CELF2: variants seen among roughly 807,000 people sequenced by gnomAD.
CELF2 encodes the protein CUGBP Elav-like family member 2, also known as CUG triplet repeat RNA-binding protein 2.
A neutral mutation model predicts 62.6 loss-of-function variants in CELF2; 8 were observed. The ratio of observed to expected loss-of-function variants is 0.13; its 90% CI spans 0.07 to 0.23. The LOEUF is 0.23. CELF2 is among the 10% of genes least tolerant of loss of function. The probability of loss-of-function intolerance (pLI) is 1.00; values close to 1 mark genes in which losing one functional copy is unlikely to be tolerated. For missense variants in CELF2, 333 were observed against 671.0 expected, an observed-to-expected ratio of 0.50 and a Z score of 5.56; for synonymous variants, 258 against 250.0, an observed-to-expected ratio of 1.03 and a Z score of -0.30.
At position 11,098,060 on chromosome 10, in the gene CELF2, C is replaced by G. The variant is rs1349632118; in HGVS notation, c.75-67426C>G. ...CCTCATCACTGAACCAGGGCTGTCC[C>G]TGGGTACTCACCAGAAAAGCAAATT... is the stretch of plus-strand genomic sequence containing the variant. On this transcript the variant is annotated intron_variant, in intron 1 of 12. Coordinates refer to ENST00000633077, the MANE Select transcript of CELF2 (RefSeq NM_001326342.2). This position sits in a 1 kb window ranked among gnomAD's most constrained non-coding sequence, Gnocchi z 4.0. The G allele has an allele frequency of 6.6e-6, 1 of 152,408 alleles. No individual in the cohort carries two copies. The highest frequency in any genetic ancestry group is 1.5e-5 in the Non-Finnish European group (1 of 68,160). The allele number at this position is 152,408 out of a possible 1,614,324, so 9.4% of individuals were successfully genotyped here.
chr10:10,889,565 A>G (rs759338586), intron 1 of CELF2, among the ~76,000 whole-genome samples: 1 of 152,228 alleles, frequency 6.6e-6, no homozygotes, highest in Non-Finnish European at 1.5e-5. Context: ...TTCAGGTGCT[A>G]TGTCTTCTCT....
chr10:10,776,479 A>C, the CELF2 span: 2 of 154,148 alleles, frequency 1.3e-5, no homozygotes, highest in Non-Finnish European at 2.9e-5. Flanking sequence ...CCTTTCAAGC[A>C]TGGAAAAATT....
intron 1 of CELF2, among the ~76,000 whole-genome samples, chr10:11,025,239 G>GTGTGTGTATATATATATATA (rs61580670): frequency 1.4e-3 from 197 of 141,074 alleles, no homozygotes; most frequent in Middle Eastern, 7.1e-3. Context: ...GTGTGTGTGT[G>GTGTGTGTATATATATATATA]TATATGTATG....
At chr10:10,606,300 G>C in the CELF2 span, among the ~76,000 whole-genome samples, 3 of 152,194 alleles carry the variant, frequency 2.0e-5, no homozygotes, top group African/African-American at 7.2e-5. Context: ...ACCTTAGAAG[G>C]ATTTAGGCTG....
At chr10:10,513,951 CT>C in the CELF2 span, among the ~76,000 whole-genome samples, 1 of 152,132 alleles carries the variant, frequency 6.6e-6, no homozygotes, top group Non-Finnish European at 1.5e-5. Flanking sequence ...CGATCCCTCT[CT>C]GAGCAAAGCC....
At chr10:11,288,025 G>T (rs975696661) in intron 8 of CELF2, among the ~76,000 whole-genome samples, 3 of 152,216 alleles carry the variant, frequency 2.0e-5, no homozygotes, top group Non-Finnish European at 4.4e-5. Context: ...TGTCATAGAA[G>T]CTGCCAGTCC....
chr10:11,154,133 A>G (rs2063847477), intron 1 of CELF2, among the ~76,000 whole-genome samples: 1 of 152,258 alleles, frequency 6.6e-6, no homozygotes, highest in African/African-American at 2.4e-5. Context: ...AATGATATTC[A>G]GCTTCTTAGT....
intron 1 of CELF2, among the ~76,000 whole-genome samples, chr10:11,072,008 G>A (rs919442643): frequency 4.6e-5 from 7 of 152,304 alleles, no homozygotes; most frequent in South Asian, 2.1e-4. Context: ...TGACGACACC[G>A]TGAGTTTGGA....
intron 1 of CELF2, among the ~76,000 whole-genome samples, chr10:11,062,286 A>G (rs188735310): frequency 4.3e-4 from 65 of 152,364 alleles, no homozygotes; most frequent in Admixed American, 4.0e-3. Flanking sequence ...TCTGCAGCCC[A>G]TGGAGAGGAA....
At chr10:10,858,107 T>C (rs767438851) in intron 1 of CELF2, among the ~76,000 whole-genome samples, 6 of 152,122 alleles carry the variant, frequency 3.9e-5, no homozygotes, top group Non-Finnish European at 5.9e-5. Context: ...TTAAACGTGA[T>C]TTAGAGTCCC....
In CELF2 at chr10:11,336,226, C is replaced by T. The variant is rs1258783270; in HGVS notation, c.*7173C>T. 6.5e-6 allele frequency: 1 copy of T among 152,680 alleles called. No individual in the cohort carries two copies. Among genetic ancestry groups the T allele is most frequent in the Non-Finnish European group, 1.5e-5 (1 of 68,038 alleles). The allele number at this position is 152,680 out of a possible 1,614,324, so 9.5% of individuals were successfully genotyped here. On this transcript the variant is annotated 3_prime_UTR_variant, in exon 13 of 13. Transcript: ENST00000633077. The surrounding 1 kb of genome is among the most constrained non-coding windows in gnomAD (Gnocchi z 5.4). ...CTGATAAGTGAATAAAACATTGTGACCAAACAATCAGCTTATTCACTTATC... is the reference window on the plus strand; with the variant it reads ...CTGATAAGTGAATAAAACATTGTGATCAAACAATCAGCTTATTCACTTATC...
chr10:10,658,336 C>G, the CELF2 span, among the ~76,000 whole-genome samples: 1 of 152,170 alleles, frequency 6.6e-6, no homozygotes, highest in African/African-American at 2.4e-5. Flanking sequence ...TTCATCATTT[C>G]TGTTCTAACC....
At chr10:10,676,025 T>C in the CELF2 span, among the ~76,000 whole-genome samples, 2 of 152,206 alleles carry the variant, frequency 1.3e-5, no homozygotes, top group African/African-American at 2.4e-5. Context: ...CTTTTCTTGG[T>C]AGCTGGAGAT....
At chr10:10,684,666 C>T in the CELF2 span, among the ~76,000 whole-genome samples, 2 of 152,088 alleles carry the variant, frequency 1.3e-5, no homozygotes, top group African/African-American at 2.4e-5. Context: ...ATCGCCTGAG[C>T]CCAGGAGGTT....
chr10:11,126,299 C>A (rs1256655630), intron 1 of CELF2, among the ~76,000 whole-genome samples: 1 of 152,152 alleles, frequency 6.6e-6, no homozygotes, highest in Non-Finnish European at 1.5e-5. Flanking sequence ...CTTGCCTTTT[C>A]TCTCACATGT....
Position 11,177,754 on chromosome 10 carries a change from A to G in CELF2, c.271+12072A>G, listed in dbSNP as rs554517335. On this transcript the variant is annotated intron_variant, in intron 2 of 12. Coordinates refer to ENST00000633077, the MANE Select transcript of CELF2 (RefSeq NM_001326342.2). The surrounding 1 kb of genome is among the most constrained non-coding windows in gnomAD (Gnocchi z 4.8). Reference sequence around the variant, plus strand: ...TGTCCTTTCTGTTCAGGATTCAACAATTGCTTGTTGATTTGGGGTGAAGAT... The same window carrying G: ...TGTCCTTTCTGTTCAGGATTCAACAGTTGCTTGTTGATTTGGGGTGAAGAT... 1.3e-5 allele frequency among the ~76,000 whole-genome samples: 2 copies of G among 152,314 alleles called. No homozygotes were observed. Among genetic ancestry groups the G allele is most frequent in the South Asian group, 2.1e-4 (1 of 4,824 alleles).
chr10:10,536,680 G>C, the CELF2 span, among the ~76,000 whole-genome samples: 2 of 152,216 alleles, frequency 1.3e-5, no homozygotes, highest in Non-Finnish European at 2.9e-5. Context: ...TCTGTGAAAA[G>C]AGTTTGATGA....
chr10:10,567,068 G>A, the CELF2 span, among the ~76,000 whole-genome samples: 16 of 152,166 alleles, frequency 1.1e-4, no homozygotes, highest in Non-Finnish European at 1.6e-4. Flanking sequence ...GAAAAGGACA[G>A]TGTTCATTTA....
At chr10:11,089,387 C>T (rs958597028) in intron 1 of CELF2, among the ~76,000 whole-genome samples, 22 of 152,156 alleles carry the variant, frequency 1.4e-4, no homozygotes, top group African/African-American at 5.3e-4. Flanking sequence ...ACACACCAGC[C>T]TAGAGACATT....
Sources: allele counts gnomAD v4.1 joint callset (sites outside exome capture counted in the v4.1 genomes callset), GRCh38; gene constraint gnomAD v4.1.1; non-coding constraint Gnocchi (gnomAD v3.1); transcripts MANE v1.5; gene names NCBI Gene and HGNC (gene_info 2026-07-23, HGNC 2026-07-21).